HSPA12B: variants seen among roughly 807,000 people sequenced by gnomAD.
HSPA12B encodes the protein heat shock 70 kDa protein 12B.
In HSPA12B, 54 loss-of-function variants were observed where a neutral mutation model predicts 69.3. That is an observed-to-expected ratio of 0.78 (90% CI 0.63 to 0.98). The LOEUF is 0.98. Ranked by LOEUF, HSPA12B falls within the 50% of genes least tolerant of loss-of-function variation. The pLI is 0.00. For missense variants in HSPA12B, 929 were observed against 999.8 expected (o/e 0.93, Z 0.96); for synonymous variants, 441 against 436.5 (o/e 1.01, Z -0.13).
At chr20:3,734,654 G>C (rs1404900540) in intron 1 of HSPA12B, among the ~76,000 whole-genome samples, 1 of 151,968 alleles carries the variant, frequency 6.6e-6, no homozygotes, top group Non-Finnish European at 1.5e-5. Context: ...GTCCCTGGGT[G>C]TGTGTGCTCG....
chr20:3,748,493 C>A, intron 8 of HSPA12B, 102 bp downstream of exon 8: 2 of 1,092,040 alleles, frequency 1.8e-6, no homozygotes, highest in Non-Finnish European at 2.4e-6. Flanking sequence ...GGTACCCACC[C>A]TGGAGGAGCC....
rs949452521 is a variant in HSPA12B, at chr20:3,751,620, C to T, written c.1515C>T (p.Ala505=). 1 of 1,528,742 alleles carries T rather than the reference C, an allele frequency of 6.5e-7. No homozygotes were observed. Among genetic ancestry groups the T allele is most frequent in the African/African-American group, 1.4e-5 (1 of 71,718 alleles). The allele number at this position is 1,528,742 out of a possible 1,614,324, so 94.7% of individuals were successfully genotyped here. ...LQHAVQAALG[A]RGLRVVVPHD... is the part of the protein sequence containing the mutation. ...ACGCGGTGCAGGCGGCGCTGGGCGC[C>T]CGCGGTCTGCGTGTCGTGGTCCCGC... is the stretch of plus-strand genomic sequence containing the variant. The change falls in exon 13 of 13, where the codon GCC becomes GCT. Residue 505 remains alanine (A), a synonymous_variant. Coordinates refer to ENST00000254963, the MANE Select transcript of HSPA12B (RefSeq NM_052970.5).
Position 3,752,255 on chromosome 20 carries a change from C to A in HSPA12B, c.*89C>A. 7.9e-7 allele frequency: 1 copy of A among 1,261,774 alleles called. No homozygotes were observed. Among genetic ancestry groups the A allele is most frequent in the African/African-American group, 1.6e-5 (1 of 63,254 alleles). The allele number at this position is 1,261,774 out of a possible 1,614,324, so 78.2% of individuals were successfully genotyped here. On this transcript the variant is annotated 3_prime_UTR_variant, in exon 13 of 13. Transcript: ENST00000254963. Reference sequence around the variant, plus strand: ...GCGGAGCGGGTTGGGGCGGGGGAAACGATAGTTCTGCAGTCTGCGCCTTTC... The same window carrying A: ...GCGGAGCGGGTTGGGGCGGGGGAAAAGATAGTTCTGCAGTCTGCGCCTTTC...
In HSPA12B at chr20:3,746,950, C is replaced by T. The variant is rs1223789379; in HGVS notation, c.675+919C>T. On this transcript the variant is annotated intron_variant, in intron 7 of 12. Transcript: ENST00000254963. ...CACTCACAGTGGCAGGCAGGGCACC[C>T]AGAACATTCACTTCACTTGGCATCA... 2.0e-5 allele frequency among the ~76,000 whole-genome samples: 3 copies of T among 152,178 alleles called. No homozygotes were observed. The East Asian group carries it at 5.8e-4, about 29-fold the overall frequency.
chr20:3,740,372 C>T lies in HSPA12B; in HGVS notation c.44-443C>T, dbSNP rs573668870. On this transcript the variant is annotated intron_variant, in intron 2 of 12. Transcript: ENST00000254963. The surrounding 1 kb of genome is among the most constrained non-coding windows in gnomAD (Gnocchi z 4.9). ...CCAACTTTAGGGTGGAGGGGAGCAA[C>T]CCCACCTCCTAGCCAGTTAGCTCTG... 6.6e-6 allele frequency among the ~76,000 whole-genome samples: 1 copy of T among 152,086 alleles called. No homozygotes were observed. The highest frequency in any genetic ancestry group is 6.5e-5 in the Admixed American group (1 of 15,276).
Position 3,738,689 on chromosome 20 carries a change from G to A in HSPA12B, c.15G>A (p.Pro5=), listed in dbSNP as rs142744194. Residue 5 remains proline, a synonymous_variant, in exon 2 of 13, where the codon CCG becomes CCA. Transcript: ENST00000254963. The stretch of plus-strand genomic sequence containing the variant: ...GGCCTGCAAGGATGTTGGCTGTCCC[G>A]GAGATGGGCCTGCAGGGGCTGTACA... The part of the protein sequence containing the change: MLAV[P]EMGLQGLYIG... 4,625 of 1,614,114 alleles carry A rather than the reference G, an allele frequency of 2.9e-3. 12 individuals are homozygous for A. The highest frequency in any genetic ancestry group is 6.2e-3 in the South Asian group (568 of 91,076).
Position 3,745,887 on chromosome 20 carries a change from T to C in HSPA12B, c.559-28T>C. On this transcript the variant is annotated intron_variant, in intron 6 of 12. Transcript: ENST00000254963. This position sits in a 1 kb window ranked among gnomAD's most constrained non-coding sequence, Gnocchi z 5.6. ...AGACCACCCTCCCTCCAAGCCAGCT[T>C]TCCTCTCACTGCCCCCTCCTGTACC... is the stretch of plus-strand genomic sequence containing the variant. The C allele has an allele frequency of 6.3e-7, 1 of 1,598,000 alleles. No individual in the cohort carries two copies. The highest frequency in any genetic ancestry group is 8.6e-7 in the Non-Finnish European group (1 of 1,165,274).
intron 1 of HSPA12B, among the ~76,000 whole-genome samples, chr20:3,735,765 CCA>C (rs890452763): frequency 1.3e-4 from 20 of 151,982 alleles, no homozygotes; most frequent in African/African-American, 4.8e-4. Flanking sequence ...GGCGCCCGGC[CCA>C]GAGTCTTTTT....
At chr20:3,750,718 G>A in intron 11 of HSPA12B, 86 bp from the exon 12 acceptor site, 1 of 1,603,338 alleles carries the variant, frequency 6.2e-7, no homozygotes, top group East Asian at 2.2e-5. Context: ...TGGAGGCAGA[G>A]GTAGAGAATA....
chr20:3,734,601 G>A (rs1162324470), intron 1 of HSPA12B, among the ~76,000 whole-genome samples: 1 of 152,168 alleles, frequency 6.6e-6, no homozygotes, highest in Non-Finnish European at 1.5e-5. Context: ...GCTTTCGGGA[G>A]CTGGGCTTGT....
intron 1 of HSPA12B, among the ~76,000 whole-genome samples, chr20:3,734,629 G>T (rs1332561695): frequency 1.3e-5 from 2 of 152,064 alleles, no homozygotes; most frequent in East Asian, 1.9e-4. Context: ...TCTGTGGTCA[G>T]CACTCTCCTT....
chr20:3,740,659 T>A lies in HSPA12B; in HGVS notation c.44-156T>A, dbSNP rs914856185. On this transcript the variant is annotated intron_variant, in intron 2 of 12. Transcript: ENST00000254963. The surrounding 1 kb of genome is among the most constrained non-coding windows in gnomAD (Gnocchi z 4.9). ...TCAGCTCCTGCCCCTGCGTCATGTG[T>A]GTCTTTCCTACACCCCGCAGTCCTC... 1.3e-5 allele frequency among the ~76,000 whole-genome samples: 2 copies of A among 152,180 alleles called. No individual in the cohort carries two copies. The highest frequency in any genetic ancestry group is 2.9e-5 in the Non-Finnish European group (2 of 68,024).
intron 4 of HSPA12B, among the ~76,000 whole-genome samples, chr20:3,743,040 AT>A (rs35919024): frequency 0.18 from 25,376 of 142,194 alleles, 2,214 homozygotes; most frequent in Middle Eastern, 0.23. Flanking sequence ...CACCCAGCTA[AT>A]TTTTTTTTTT....
intron 3 of HSPA12B, among the ~76,000 whole-genome samples, chr20:3,741,680 C>G (rs1274226535): frequency 1.3e-5 from 2 of 152,120 alleles, no homozygotes; most frequent in Admixed American, 6.5e-5. Flanking sequence ...CACCACCTCC[C>G]CACCCCCAAG....
chr20:3,752,173 G>A lies in HSPA12B; in HGVS notation c.*7G>A. ...CGACTTTCTTTCCAACTGAGGGCGC[G>A]CCGGCGCGGTGCCAGCGCCGTCTGC... is the stretch of plus-strand genomic sequence containing the variant. On this transcript the variant is annotated 3_prime_UTR_variant, in exon 13 of 13. Coordinates refer to ENST00000254963, the MANE Select transcript of HSPA12B (RefSeq NM_052970.5). 1.4e-6 allele frequency: 2 copies of A among 1,449,960 alleles called. No homozygotes were observed. Among genetic ancestry groups the A allele is most frequent in the Non-Finnish European group, 1.8e-6 (2 of 1,109,206 alleles). 89.8% of individuals were successfully genotyped at this position (1,449,960 alleles called of 1,614,324 possible).
Position 3,750,426 on chromosome 20 carries a change from C to T in HSPA12B, c.1301+199C>T, listed in dbSNP as rs147532542. Among the ~76,000 whole-genome samples, 927 of 152,274 alleles carry T rather than the reference C, an allele frequency of 6.1e-3. 10 individuals carry two copies. The highest frequency in any genetic ancestry group is 0.021 in the African/African-American group (852 of 41,546). ...CCCAGCAGGCTCCACCCACGGAATC[C>T]GCAGCCCGAACTGGGGCAAGACAGA... is the stretch of plus-strand genomic sequence containing the variant. On this transcript the variant is annotated intron_variant, in intron 11 of 12. Transcript: ENST00000254963.
Position 3,751,555 on chromosome 20 carries a change from T to C in HSPA12B, c.1450T>C (p.Phe484Leu). The C allele has an allele frequency of 1.3e-6, 2 of 1,493,850 alleles. No homozygotes were observed. The highest frequency in any genetic ancestry group is 1.8e-6 in the Non-Finnish European group (2 of 1,123,466). The allele number at this position is 1,493,850 out of a possible 1,614,324, so 92.5% of individuals were successfully genotyped here. A position where few individuals can be genotyped will look rare whatever the true frequency, so the allele number is the denominator to read the frequency against. The change falls in exon 13 of 13, where the codon TTC becomes CTC. Residue 484 changes from phenylalanine (F) to leucine (L), a missense_variant. Phe to Leu is a conservative substitution (Grantham distance 22, BLOSUM62 0). This residue lies in a region of HSPA12B where 448 missense variants were observed against 448.1 expected (regional missense o/e 1.00). Transcript: ENST00000254963. The part of the protein sequence containing the change: ...RPEVQGVKLL[F>L]LVGGFAESAV... ...GGAGGTGCAGGGTGTGAAGCTGCTG[T>C]TCCTAGTGGGCGGCTTCGCCGAGTC... is the stretch of plus-strand genomic sequence containing the variant.
chr20:3,738,753 C>A (rs2088146855), intron 2 of HSPA12B, 36 bp downstream of exon 2: 2 of 1,612,630 alleles, frequency 1.2e-6, no homozygotes, highest in Admixed American at 3.3e-5. Context: ...GACCCATCAC[C>A]CACTCACCCG....
Position 3,745,087 on chromosome 20 carries a change from C to G in HSPA12B, c.452C>G (p.Thr151Arg). The G allele has an allele frequency of 6.7e-7, 1 of 1,500,926 alleles. No homozygotes were observed. The highest frequency in any genetic ancestry group is 1.1e-5 in the South Asian group (1 of 89,754). The allele number at this position is 1,500,926 out of a possible 1,614,324, so 93.0% of individuals were successfully genotyped here. A position where few individuals can be genotyped will look rare whatever the true frequency, so the allele number is the denominator to read the frequency against. The change falls in exon 5 of 13, where the codon ACG (threonine) becomes AGG (arginine). Residue 151 changes from threonine (T) to arginine (R), a missense_variant and splice_region_variant. Transcript: ENST00000254963. This position sits in a 1 kb window ranked among gnomAD's most constrained non-coding sequence, Gnocchi z 5.6. ...TTCAAGATGAAGATCCACAGCGCCA[C>G]GGTGAGTCACAGGGCTCCAGACAGG... ...EKFKMKIHSA[T>R]DLTLKTQLEA...
Sources: gnomAD v4.1 joint callset for allele counts (sites outside exome capture counted in the v4.1 genomes callset) on GRCh38, gnomAD v4.1.1 for gene constraint, gnomAD v4.1.1 regional missense constraint, Gnocchi (gnomAD v3.1) non-coding constraint, MANE v1.5 for transcripts, NCBI Gene and HGNC (gene_info 2026-07-23, HGNC 2026-07-21) for gene names.